PPP2R3A: variants seen among roughly 807,000 people sequenced by gnomAD.
The protein encoded by PPP2R3A is serine/threonine-protein phosphatase 2A regulatory subunit B'' subunit alpha.
In PPP2R3A, 80 loss-of-function variants were observed where a neutral mutation model predicts 106.9. The observed-to-expected ratio is 0.75, with a 90% confidence interval of 0.62 to 0.90. The LOEUF is 0.90. Among genes scored for constraint, PPP2R3A ranks in the 40% least tolerant of loss-of-function variants. The pLI is 0.00. For synonymous variants in PPP2R3A, 483 were observed against 468.3 expected (o/e 1.03, Z -0.41); for missense variants, 1,386 against 1,350.4 (o/e 1.03, Z -0.41).
intron 1 of PPP2R3A, among the ~76,000 whole-genome samples, chr3:135,972,831 A>G (rs1937286679): frequency 6.6e-6 from 1 of 152,340 alleles, no homozygotes; most frequent in African/African-American, 2.4e-5. Flanking sequence ...AGTTCTTTAC[A>G]TATGTAAATA....
intron 13 of PPP2R3A, among the ~76,000 whole-genome samples, chr3:136,133,146 A>G (rs1392597208): frequency 6.6e-6 from 1 of 152,170 alleles, no homozygotes; most frequent in Admixed American, 6.5e-5. Flanking sequence ...AGTAATTTTT[A>G]AAAATTGATA....
chr3:136,086,738 C>T (rs1253915182), intron 8 of PPP2R3A, among the ~76,000 whole-genome samples: 5 of 152,108 alleles, frequency 3.3e-5, no homozygotes, highest in African/African-American at 1.2e-4. Context: ...TGGCCAGGCA[C>T]GGCTGTTCCA....
intron 4 of PPP2R3A, among the ~76,000 whole-genome samples, chr3:136,046,414 G>T (rs990108077): frequency 8.0e-5 from 12 of 150,902 alleles, no homozygotes; most frequent in African/African-American, 2.7e-4. Context: ...AGGTTGCGCT[G>T]TTGCACTCCA....
chr3:136,020,426 A>C (rs1559872273), intron 2 of PPP2R3A, among the ~76,000 whole-genome samples: 1 of 151,976 alleles, frequency 6.6e-6, no homozygotes, highest in Non-Finnish European at 1.5e-5. Context: ...TTGTTGTCTG[A>C]TTTGTAGTTT....
rs946814772 is a variant in PPP2R3A at position 136,002,530 on chromosome 3, C to T, written c.1032C>T (p.Asp344=). The change falls in exon 2 of 14, where the codon GAC becomes GAT. Residue 344 remains aspartate (D), a synonymous_variant. Transcript: ENST00000264977. The part of the protein sequence containing the change: ...YEDVVQLSAS[D]SGRFQTIELQ... The stretch of plus-strand genomic sequence containing the variant: ...ATGTTGTCCAGCTCTCAGCTTCTGA[C>T]TCTGGACGATTTCAAACTATTGAAT... 1.2e-6 allele frequency: 2 copies of T among 1,613,894 alleles called. No homozygotes were observed. The highest frequency in any genetic ancestry group is 1.7e-6 in the Non-Finnish European group (2 of 1,179,912).
At chr3:136,134,179 C>CATAGAA (rs1938523653) in intron 13 of PPP2R3A, among the ~76,000 whole-genome samples, 1 of 152,150 alleles carries the variant, frequency 6.6e-6, no homozygotes. Context: ...ACTGCTGTCT[C>CATAGAA]ATAGAAGAAA....
chr3:136,108,212 G>GACACACACAC (rs375655120), intron 13 of PPP2R3A, among the ~76,000 whole-genome samples: 1 of 151,376 alleles, frequency 6.6e-6, no homozygotes, highest in African/African-American at 2.4e-5. Flanking sequence ...GCTAGACCCT[G>GACACACACAC]ACACACACAC....
intron 8 of PPP2R3A, among the ~76,000 whole-genome samples, chr3:136,086,849 C>T (rs1243042742): frequency 6.6e-6 from 1 of 152,072 alleles, no homozygotes; most frequent in Non-Finnish European, 1.5e-5. Flanking sequence ...CTGCTAAGTC[C>T]CTAATGACCT....
intron 13 of PPP2R3A, among the ~76,000 whole-genome samples, chr3:136,143,740 A>C (rs867737817): frequency 1.3e-5 from 2 of 152,158 alleles, no homozygotes; most frequent in East Asian, 3.8e-4. Flanking sequence ...GCAATGAGCC[A>C]AGATGGCCCC....
chr3:135,971,338 T>C (rs756495508), intron 1 of PPP2R3A, among the ~76,000 whole-genome samples: 3 of 152,202 alleles, frequency 2.0e-5, no homozygotes, highest in Non-Finnish European at 4.4e-5. Context: ...GAAGACTTGG[T>C]GTTAGAGTGA....
intron 5 of PPP2R3A, among the ~76,000 whole-genome samples, chr3:136,057,192 AAAAG>A: frequency 6.6e-6 from 1 of 152,310 alleles, no homozygotes; most frequent in South Asian, 2.1e-4. Context: ...GGAAATATCC[AAAAG>A]AAAGGAAATA....
intron 1 of PPP2R3A, among the ~76,000 whole-genome samples, chr3:135,971,583 C>G (rs951795010): frequency 3.3e-5 from 5 of 152,196 alleles, no homozygotes; most frequent in Non-Finnish European, 7.3e-5. Context: ...TTGCTATACT[C>G]TTGAAAACAG....
Position 136,075,405 on chromosome 3 carries a change from T to G in PPP2R3A, c.2545-2962T>G, listed in dbSNP as rs142934043. ...AGTCAGCAGCTACATGCTTCACCAC[T>G]AGATGGTGCTCCTGCCTCAGCCATC... On this transcript the variant is annotated intron_variant, in intron 6 of 13. Transcript: ENST00000264977. 6.8e-3 allele frequency among the ~76,000 whole-genome samples: 1,030 copies of G among 152,280 alleles called. 4 individuals carry two copies. The highest frequency in any genetic ancestry group is 0.02 in the Middle Eastern group (6 of 294).
At chr3:136,022,037 T>G (rs536752612) in intron 2 of PPP2R3A, among the ~76,000 whole-genome samples, 28 of 152,264 alleles carry the variant, frequency 1.8e-4, no homozygotes, top group South Asian at 4.1e-4. Context: ...AGGATGACTT[T>G]ACTTTATGAT....
chr3:136,095,552 C>T (rs1010515227), intron 10 of PPP2R3A, among the ~76,000 whole-genome samples: 2 of 152,106 alleles, frequency 1.3e-5, no homozygotes, highest in Non-Finnish European at 2.9e-5. Context: ...TTGTATCTCT[C>T]CCAAACCTGG....
At chr3:136,034,732 T>C (rs1163973555) in intron 3 of PPP2R3A, among the ~76,000 whole-genome samples, 1 of 152,232 alleles carries the variant, frequency 6.6e-6, no homozygotes, top group Non-Finnish European at 1.5e-5. Flanking sequence ...ATATGTCTAT[T>C]AAGTCCATTT....
intron 13 of PPP2R3A, among the ~76,000 whole-genome samples, chr3:136,141,043 T>C (rs1938851032): frequency 6.6e-6 from 1 of 152,244 alleles, no homozygotes. Context: ...GCAATTCATT[T>C]TGAGCACCTA....
intron 6 of PPP2R3A, among the ~76,000 whole-genome samples, chr3:136,075,258 T>C (rs948741346): frequency 6.6e-6 from 1 of 152,234 alleles, no homozygotes; most frequent in African/African-American, 2.4e-5. Context: ...TTTCATTTAT[T>C]TCACTAGCAG....
intron 13 of PPP2R3A, among the ~76,000 whole-genome samples, chr3:136,124,394 G>A (rs1169759158): frequency 6.6e-6 from 1 of 152,020 alleles, no homozygotes; most frequent in Non-Finnish European, 1.5e-5. Context: ...GAAGCAAGAG[G>A]ATTGCTTGAA....
Sources: allele counts gnomAD v4.1 joint callset (sites outside exome capture counted in the v4.1 genomes callset), GRCh38; gene constraint gnomAD v4.1.1; transcripts MANE v1.5; gene names NCBI Gene and HGNC (gene_info 2026-07-23, HGNC 2026-07-21).